The following PRKG1 variants were observed in gnomAD, a reference collection of about 807,000 sequenced individuals.
PRKG1 encodes the protein cGMP-dependent protein kinase 1.
In PRKG1, 35 loss-of-function variants were observed where a neutral mutation model predicts 88.1. The observed-to-expected ratio is 0.40, with a 90% CI of 0.30 to 0.53. The LOEUF (loss-of-function observed/expected upper bound fraction) is 0.53. Ranked by LOEUF, PRKG1 falls within the 20% of genes least tolerant of loss-of-function variation. The probability of loss-of-function intolerance (pLI) is 0.59; values close to 1 mark genes in which losing one functional copy is unlikely to be tolerated. For missense variants in PRKG1, 540 were observed against 839.8 expected, an observed-to-expected ratio of 0.64 and a Z score of 4.41; for synonymous variants, 303 against 292.5, an observed-to-expected ratio of 1.04 and a Z score of -0.37.
At chr10:51,629,722 A>G (rs757737871) in intron 3 of PRKG1, among the ~76,000 whole-genome samples, 3 of 152,198 alleles carry the variant, frequency 2.0e-5, no homozygotes, top group Non-Finnish European at 4.4e-5. Context: ...ACCCTCTTCT[A>G]GCATGGACAA....
chr10:52,071,292 A>G (rs935159080), intron 7 of PRKG1, among the ~76,000 whole-genome samples: 3 of 152,058 alleles, frequency 2.0e-5, no homozygotes, highest in Admixed American at 6.5e-5. Flanking sequence ...CCTTGCCTCC[A>G]TCTCTGCCTC....
chr10:52,023,120 A>G (rs1290881719), intron 5 of PRKG1, among the ~76,000 whole-genome samples: 3 of 152,082 alleles, frequency 2.0e-5, no homozygotes, highest in East Asian at 1.9e-4. Context: ...CCTGTGTCCA[A>G]GTGTTCTCAT....
At chr10:51,265,619 T>C (rs993918271) in intron 2 of PRKG1, among the ~76,000 whole-genome samples, 1 of 151,978 alleles carries the variant, frequency 6.6e-6, no homozygotes, top group Non-Finnish European at 1.5e-5. Context: ...AGTTACAGAG[T>C]ACATGCCTTC....
intron 7 of PRKG1, among the ~76,000 whole-genome samples, chr10:52,115,809 G>T (rs1049640088): frequency 2.6e-5 from 4 of 152,166 alleles, no homozygotes; most frequent in African/African-American, 9.7e-5. Context: ...GGCTCAGGGT[G>T]TATATTCAGA....
intron 5 of PRKG1, among the ~76,000 whole-genome samples, chr10:51,915,331 CTT>C (rs1320521569): frequency 2.0e-5 from 3 of 152,252 alleles, no homozygotes; most frequent in Non-Finnish European, 4.4e-5. Context: ...TGTAACTAAA[CTT>C]TTTCTTCCCT....
chr10:51,483,359 T>C (rs1223532729), intron 3 of PRKG1, among the ~76,000 whole-genome samples: 1 of 152,068 alleles, frequency 6.6e-6, no homozygotes, highest in Non-Finnish European at 1.5e-5. Context: ...TATGCAGGGG[T>C]TTCTTTCCAT....
At chr10:52,029,106 T>G (rs1384125176) in intron 5 of PRKG1, among the ~76,000 whole-genome samples, 1 of 152,196 alleles carries the variant, frequency 6.6e-6, no homozygotes, top group Admixed American at 6.5e-5. Context: ...GGGCTGCTAA[T>G]AGAGCGGGCT....
intron 1 of PRKG1, among the ~76,000 whole-genome samples, chr10:51,065,825 C>A (rs1843743466): frequency 6.6e-6 from 1 of 152,006 alleles, no homozygotes; most frequent in Non-Finnish European, 1.5e-5. Context: ...GGAGATGTAT[C>A]TATCTAACAA....
chr10:51,417,815 A>G (rs1838286259), intron 2 of PRKG1, among the ~76,000 whole-genome samples: 1 of 152,174 alleles, frequency 6.6e-6, no homozygotes, highest in Non-Finnish European at 1.5e-5. Context: ...TGCACTGGGC[A>G]CTATGCCCCT....
chr10:51,956,444 A>G (rs1178300387), intron 5 of PRKG1, among the ~76,000 whole-genome samples: 1 of 152,034 alleles, frequency 6.6e-6, no homozygotes, highest in Admixed American at 6.6e-5. Flanking sequence ...AATTTGAAAT[A>G]AGAAGCAAAG....
At chr10:51,043,590 A>G (rs187048974) in intron 1 of PRKG1, among the ~76,000 whole-genome samples, 126 of 152,306 alleles carry the variant, frequency 8.3e-4, no homozygotes, top group African/African-American at 2.7e-3. Context: ...AGGGGCAGGA[A>G]CCACAGGCCA....
chr10:51,192,471 A>T (rs1167734506), intron 2 of PRKG1, among the ~76,000 whole-genome samples: 1 of 152,022 alleles, frequency 6.6e-6, no homozygotes, highest in Non-Finnish European at 1.5e-5. Flanking sequence ...ACAGAAAAAA[A>T]TGTAGTCTGG....
At chr10:51,984,648 T>C (rs1402799628) in intron 5 of PRKG1, among the ~76,000 whole-genome samples, 1 of 152,264 alleles carries the variant, frequency 6.6e-6, no homozygotes, top group Admixed American at 6.5e-5. Context: ...TTATATACTT[T>C]AGGTATCTCT....
chr10:51,010,631 A>G (rs1283362434), intron 1 of PRKG1, among the ~76,000 whole-genome samples: 1 of 152,200 alleles, frequency 6.6e-6, no homozygotes, highest in South Asian at 2.1e-4. Flanking sequence ...GATTGCTGGA[A>G]AAGGGCTACA....
At chr10:51,108,848 A>G (rs934183735) in intron 1 of PRKG1, among the ~76,000 whole-genome samples, 10 of 152,188 alleles carry the variant, frequency 6.6e-5, no homozygotes, top group African/African-American at 2.4e-4. Flanking sequence ...AGGCAATATT[A>G]TCATCTAAGT....
chr10:51,756,860 A>C (rs573128334), intron 3 of PRKG1, among the ~76,000 whole-genome samples: 1 of 151,682 alleles, frequency 6.6e-6, no homozygotes, highest in African/African-American at 2.4e-5. Flanking sequence ...AAAAATAAAA[A>C]TATAAAAAGT....
chr10:52,088,325 A>G (rs933443010), intron 7 of PRKG1, among the ~76,000 whole-genome samples: 18 of 150,438 alleles, frequency 1.2e-4, no homozygotes, highest in African/African-American at 4.4e-4. Context: ...ATCAAACAGT[A>G]TATTATTTAT....
At chr10:52,275,999 G>A (rs777091234) in intron 12 of PRKG1, among the ~76,000 whole-genome samples, 8 of 152,122 alleles carry the variant, frequency 5.3e-5, no homozygotes, top group Non-Finnish European at 1.2e-4. Context: ...CACCATTGGT[G>A]TATAGAAGAG....
At position 50,991,696 on chromosome 10, in the gene PRKG1, G is replaced by T. The variant is rs555654395; in HGVS notation, c.266+52G>T. The stretch of plus-strand genomic sequence containing the variant: ...CGCTCGTCCCGGCCCGCGGCGCAGA[G>T]GCTGGGGGCTCTGGCCGCGGCGGCG... On this transcript the variant is annotated intron_variant, in intron 1 of 17. Coordinates refer to the PRKG1 transcript ENST00000401604. The surrounding 1 kb of genome is among the most constrained non-coding windows in gnomAD (Gnocchi z 4.5). 4 of 1,223,962 alleles carry T rather than the reference G, an allele frequency of 3.3e-6. No individual in the cohort carries two copies. The African/African-American group carries it at 6.5e-5, about 20-fold the overall frequency. The allele number at this position is 1,223,962 out of a possible 1,614,324, so 75.8% of individuals were successfully genotyped here.
Sources: gnomAD v4.1 joint callset for allele counts (sites outside exome capture counted in the v4.1 genomes callset) on GRCh38, gnomAD v4.1.1 for gene constraint, Gnocchi (gnomAD v3.1) non-coding constraint, MANE v1.5 for transcripts, NCBI Gene and HGNC (gene_info 2026-07-23, HGNC 2026-07-21) for gene names.